Variants in EDA observed in about 807,000 individuals in gnomAD.
EDA encodes the protein ectodysplasin A, also known as ectodysplasin-A.
Under a neutral mutation model 23.6 loss-of-function variants are expected in EDA, and 2 were observed. The ratio of observed to expected loss-of-function variants is 0.08; its 90% confidence interval spans 0.03 to 0.27. The LOEUF is 0.27. Ranked by LOEUF, EDA falls within the 10% of genes least tolerant of loss-of-function variation. EDA has a pLI of 1.00. For synonymous variants in EDA, 131 were observed against 132.0 expected, an observed-to-expected ratio of 0.99 and a Z score of 0.05; for missense variants, 229 against 324.2, an observed-to-expected ratio of 0.71 and a Z score of 2.26.
At chrX:70,034,952 TG>T (rs1290909650) in intron 7 of EDA, among the ~76,000 whole-genome samples, 1 of 102,087 alleles carries the variant, frequency 9.8e-6, no homozygotes, top group African/African-American at 3.6e-5. Flanking sequence ...AAATAGTCCG[TG>T]GGGCTCAAGA....
chrX:69,629,595 A>G (rs1235079250), intron 1 of EDA, among the ~76,000 whole-genome samples: 2 of 111,623 alleles, frequency 1.8e-5, no homozygotes, highest in African/African-American at 6.5e-5. Flanking sequence ...TTATCATGCT[A>G]CCTTAAGGAT....
At position 69,987,013 on chromosome X, in the gene EDA, C is replaced by G. The variant is rs1431638948; in HGVS notation, c.502+29881C>G. Among the ~76,000 whole-genome samples, 174 of 79,550 alleles carry G rather than the reference C, an allele frequency of 2.2e-3. 1 individual carries two copies. Among genetic ancestry groups the G allele is most frequent in the Non-Finnish European group, 3.7e-3 (159 of 43,509 alleles). 69.1% of individuals were successfully genotyped at this position (79,550 alleles called of 115,157 possible). A position where few individuals can be genotyped will look rare whatever the true frequency, so the allele number is the denominator to read the frequency against. On this transcript the variant is annotated intron_variant, in intron 2 of 7. Transcript: ENST00000374552. Reference sequence around the variant, plus strand: ...ATTGGAAACCATTATTCTCAGTAAACTATCGCAAGAACAAAAAACCAAACA... The same window carrying G: ...ATTGGAAACCATTATTCTCAGTAAAGTATCGCAAGAACAAAAAACCAAACA...
intron 1 of EDA, among the ~76,000 whole-genome samples, chrX:69,757,886 G>C (rs767471531): frequency 3.3e-4 from 37 of 112,359 alleles, no homozygotes; most frequent in South Asian, 7.5e-4. Context: ...ATTGATGAGA[G>C]AATAGGTTTA....
intron 2 of EDA, among the ~76,000 whole-genome samples, chrX:70,009,289 ACTTC>A (rs1324647648): frequency 9.1e-6 from 1 of 110,320 alleles, no homozygotes; most frequent in East Asian, 2.8e-4. Context: ...CATTTTTATT[ACTTC>A]CTTTCTTCTG....
chrX:69,744,962 G>T (rs2147378943), intron 1 of EDA, among the ~76,000 whole-genome samples: 1 of 111,480 alleles, frequency 9.0e-6, no homozygotes, highest in South Asian at 3.8e-4. Context: ...GTCACGTCCA[G>T]GTAGCATCAT....
intron 1 of EDA, among the ~76,000 whole-genome samples, chrX:69,631,808 C>A (rs999926660): frequency 1.8e-5 from 2 of 110,813 alleles, no homozygotes; most frequent in African/African-American, 6.6e-5. Context: ...TTGTAGGAGA[C>A]AGAAAGATAA....
chrX:69,699,208 ATGGAAAGAGTTG>A (rs1335188624), intron 1 of EDA, among the ~76,000 whole-genome samples: 1 of 111,629 alleles, frequency 9.0e-6, no homozygotes, highest in Non-Finnish European at 1.9e-5. Flanking sequence ...TGTACCCGAC[ATGGAAAGAGTTG>A]TGGAGACTTT....
chrX:69,753,255 C>A (rs1434155065), intron 1 of EDA, among the ~76,000 whole-genome samples: 2 of 111,563 alleles, frequency 1.8e-5, no homozygotes, highest in African/African-American at 6.5e-5. Context: ...TAAATGTGTC[C>A]CAGAGATTCT....
chrX:69,689,923 C>G (rs777048785), intron 1 of EDA, among the ~76,000 whole-genome samples: 1 of 111,737 alleles, frequency 8.9e-6, no homozygotes, highest in African/African-American at 3.2e-5. Context: ...TATTTTGATG[C>G]TATTATAAAT....
At chrX:70,031,172 A>T (rs1569405934) in intron 6 of EDA, among the ~76,000 whole-genome samples, 1 of 112,592 alleles carries the variant, frequency 8.9e-6, no homozygotes, top group Non-Finnish European at 1.9e-5. Context: ...TTCAGTCCTC[A>T]CAACCACCCT....
intron 1 of EDA, among the ~76,000 whole-genome samples, chrX:69,717,329 G>A (rs2012379493): frequency 9.0e-6 from 1 of 111,045 alleles, no homozygotes; most frequent in African/African-American, 3.3e-5. Context: ...TATGTGTTTT[G>A]TTAGGTATCT....
chrX:69,703,700 G>T (rs1007647674), intron 1 of EDA, among the ~76,000 whole-genome samples: 4 of 111,564 alleles, frequency 3.6e-5, no homozygotes, highest in Admixed American at 9.5e-5. Flanking sequence ...CTTCTGGCCA[G>T]CTCTCTTCCT....
intron 1 of EDA, among the ~76,000 whole-genome samples, chrX:69,697,135 C>T (rs774487123): frequency 1.8e-5 from 2 of 111,819 alleles, no homozygotes; most frequent in South Asian, 3.8e-4. Flanking sequence ...TGGGTGCAGA[C>T]GGGCTGAGAC....
rs142883977 is a variant in EDA at position 69,701,276 on chromosome X, G to A, written c.396+84572G>A. ...GTTTTGGTCGGCTCAGGAAGGGATG[G>A]GGGCAGTCCTTGTGGGGGCCACTCA... is the stretch of plus-strand genomic sequence containing the variant. On this transcript the variant is annotated intron_variant, in intron 1 of 7. Transcript: ENST00000374552. 8.0e-3 allele frequency among the ~76,000 whole-genome samples: 887 copies of A among 111,086 alleles called. 2 individuals are homozygous for A. The highest frequency in any genetic ancestry group is 0.033 in the Middle Eastern group (7 of 213).
intron 2 of EDA, among the ~76,000 whole-genome samples, chrX:70,021,330 A>G (rs1436919460): frequency 8.9e-6 from 1 of 111,835 alleles, no homozygotes; most frequent in African/African-American, 3.3e-5. Flanking sequence ...ACCAGCTGAA[A>G]CGGTCAAAAA....
At chrX:69,656,727 A>G (rs1933334256) in intron 1 of EDA, among the ~76,000 whole-genome samples, 1 of 111,647 alleles carries the variant, frequency 9.0e-6, no homozygotes, top group South Asian at 3.8e-4. Context: ...TTTCACTGTC[A>G]CTACAAGTGA....
At chrX:70,016,135 G>A (rs1029957778) in intron 2 of EDA, among the ~76,000 whole-genome samples, 1 of 111,018 alleles carries the variant, frequency 9.0e-6, no homozygotes, top group African/African-American at 3.3e-5. Flanking sequence ...AGACAAAGAA[G>A]GGCATTACAT....
At chrX:69,996,509 C>T (rs186064612) in intron 2 of EDA, among the ~76,000 whole-genome samples, 1 of 112,211 alleles carries the variant, frequency 8.9e-6, no homozygotes, top group African/African-American at 3.2e-5. Context: ...CACTACATCC[C>T]CATAAGAGGT....
chrX:69,642,141 G>A (rs1361413168), intron 1 of EDA, among the ~76,000 whole-genome samples: 1 of 110,832 alleles, frequency 9.0e-6, no homozygotes. Context: ...AGGATTATAG[G>A]TGTGTCACAG....
Sources: gnomAD v4.1 joint callset for allele counts (sites outside exome capture counted in the v4.1 genomes callset) on GRCh38, gnomAD v4.1.1 for gene constraint, MANE v1.5 for transcripts, NCBI Gene and HGNC (gene_info 2026-07-23, HGNC 2026-07-21) for gene names.